The following COPG2 variants were observed in gnomAD, a reference collection of about 807,000 sequenced individuals.
The protein encoded by COPG2 is coat protein complex I subunit gamma 2.
COPG2 carries 37 observed loss-of-function variants against 46.3 expected under a neutral mutation model. That is an observed-to-expected ratio of 0.80 (90% CI 0.61 to 1.05). The LOEUF is 1.05. COPG2 is among the 50% of genes least tolerant of loss of function. The pLI is 0.00. For synonymous variants in COPG2, 159 were observed against 129.7 expected, an observed-to-expected ratio of 1.23 and a Z score of -1.53; for missense variants, 427 against 387.8, an observed-to-expected ratio of 1.10 and a Z score of -0.85.
Position 130,627,150 on chromosome 7 carries a change from G to A in COPG2, c.324-10085C>T, listed in dbSNP as rs147942233. Reference sequence around the variant, plus strand: ...TTAAATCAAGTACACTTTGAAATCCGTTTCCTATAGTAAATGCTCTTATCT... The same window carrying A: ...TTAAATCAAGTACACTTTGAAATCCATTTCCTATAGTAAATGCTCTTATCT... On this transcript the variant is annotated intron_variant, in intron 5 of 23. Transcript: ENST00000425248. Among the ~76,000 whole-genome samples, 9 of 152,266 alleles carry A rather than the reference G, an allele frequency of 5.9e-5. No homozygotes were observed. The South Asian group carries it at 1.4e-3, about 24-fold the overall frequency.
chr7:130,551,242 A>G lies in COPG2; in HGVS notation c.1647T>C (p.Asn549=). 1 of 398,554 alleles carries G rather than the reference A, an allele frequency of 2.5e-6. No individual in the cohort carries two copies. Among genetic ancestry groups the G allele is most frequent in the Non-Finnish European group, 4.4e-6 (1 of 225,998 alleles). The allele number at this position is 398,554 out of a possible 1,614,324, so 24.7% of individuals were successfully genotyped here. ...TGTACATCCTTGGCTTTCACTGACCATTAAAGATATATGTGGCATTTAGTG... is the reference window on the plus strand; with the variant it reads ...TGTACATCCTTGGCTTTCACTGACCGTTAAAGATATATGTGGCATTTAGTG... ...QMALNATYIF[N]GLTVSVPGME... Residue 549 remains asparagine (N), a splice_region_variant and synonymous_variant, in exon 16 of 24, where the codon AAT becomes AAC. Transcript: ENST00000425248.
At chr7:130,625,572 A>G (rs994597522) in intron 5 of COPG2, among the ~76,000 whole-genome samples, 1 of 151,076 alleles carries the variant, frequency 6.6e-6, no homozygotes, top group African/African-American at 2.4e-5. Context: ...CATTAAATCT[A>G]GGTTTCAAAT....
At chr7:130,550,221 G>A (rs1214480073) in intron 17 of COPG2, among the ~76,000 whole-genome samples, 1 of 151,944 alleles carries the variant, frequency 6.6e-6, no homozygotes, top group Admixed American at 6.6e-5. Flanking sequence ...GACCAACCTG[G>A]CCAACATGGT....
At chr7:130,511,734 A>G (rs371436248) in intron 20 of COPG2, 1 of 516,560 alleles carries the variant, frequency 1.9e-6, no homozygotes, top group Non-Finnish European at 3.9e-6. Context: ...GGTGTGGAAT[A>G]AAGATTTAGA....
intron 12 of COPG2, among the ~76,000 whole-genome samples, chr7:130,555,569 G>A (rs1793607295): frequency 6.6e-6 from 1 of 152,166 alleles, no homozygotes; most frequent in Admixed American, 6.5e-5. Flanking sequence ...GCTAATGCCT[G>A]TAATCCCAGC....
chr7:130,635,229 T>C (rs950135962), intron 5 of COPG2, among the ~76,000 whole-genome samples: 3 of 152,082 alleles, frequency 2.0e-5, no homozygotes, highest in Non-Finnish European at 4.4e-5. Flanking sequence ...CCTCATAAAA[T>C]GAGTTAGGGA....
At chr7:130,646,634 T>G (rs1181835240) in intron 5 of COPG2, among the ~76,000 whole-genome samples, 1 of 152,118 alleles carries the variant, frequency 6.6e-6, no homozygotes, top group Non-Finnish European at 1.5e-5. Context: ...AAATCTCATC[T>G]CGAATTGCAA....
In COPG2 at chr7:130,619,631, A is replaced by G. The variant is rs568503324; in HGVS notation, c.324-2566T>C. 2.0e-5 allele frequency among the ~76,000 whole-genome samples: 3 copies of G among 152,336 alleles called. No individual in the cohort carries two copies. In the East Asian group the frequency reaches 5.8e-4, roughly 29 times the overall value. ...CTACTTCTATAATTGAATACATTCA[A>G]TGCTCACTGGTAATTCATTTCCTGT... On this transcript the variant is annotated intron_variant, in intron 5 of 23. Coordinates refer to ENST00000425248, the MANE Select transcript of COPG2 (RefSeq NM_012133.6).
At chr7:130,606,630 C>CCGGT (rs1554451301) in intron 9 of COPG2, among the ~76,000 whole-genome samples, 1 of 152,160 alleles carries the variant, frequency 6.6e-6, no homozygotes, top group East Asian at 1.9e-4. Context: ...GAAGATGTGA[C>CCGGT]CCAGTTTTAT....
chr7:130,572,363 C>T (rs1025259698), intron 9 of COPG2, among the ~76,000 whole-genome samples: 2 of 152,134 alleles, frequency 1.3e-5, no homozygotes, highest in African/African-American at 4.8e-5. Context: ...GATCAACCAA[C>T]TCAAGCTAAC....
intron 20 of COPG2, among the ~76,000 whole-genome samples, chr7:130,530,566 C>A (rs1799814230): frequency 6.6e-6 from 1 of 152,090 alleles, no homozygotes; most frequent in African/African-American, 2.4e-5. Context: ...GAGCACATCC[C>A]TATGGAGAAG....
At chr7:130,547,032 C>T (rs1793455758) in intron 20 of COPG2, 1 of 152,170 alleles carries the variant, frequency 6.6e-6, no homozygotes, top group Non-Finnish European at 1.5e-5. Flanking sequence ...ACTTGACATT[C>T]ACCTTCCCAA....
intron 5 of COPG2, among the ~76,000 whole-genome samples, chr7:130,648,551 G>A (rs553307859): frequency 5.9e-5 from 9 of 152,136 alleles, no homozygotes; most frequent in Admixed American, 2.0e-4. Context: ...CTCCATCTTC[G>A]GACCTACGGA....
At chr7:130,574,066 A>G (rs1177999271) in intron 9 of COPG2, among the ~76,000 whole-genome samples, 1 of 152,190 alleles carries the variant, frequency 6.6e-6, no homozygotes, top group Non-Finnish European at 1.5e-5. Context: ...CACATTATTC[A>G]TAATAGATGA....
Position 130,663,041 on chromosome 7 carries a change from A to T in COPG2, c.172-3T>A. On this transcript the variant is annotated splice_polypyrimidine_tract_variant and splice_region_variant and intron_variant, in intron 3 of 23. Coordinates refer to ENST00000425248, the MANE Select transcript of COPG2 (RefSeq NM_012133.6). ...TCCGTTGTTCCAAAGTGTTCACCCTAAGTAAAATTTAAAACAATTTTTAAA... is the reference window on the plus strand; with the variant it reads ...TCCGTTGTTCCAAAGTGTTCACCCTTAGTAAAATTTAAAACAATTTTTAAA... The T allele has an allele frequency of 6.6e-7, 1 of 1,505,514 alleles. No homozygotes were observed. Among genetic ancestry groups the T allele is most frequent in the Non-Finnish European group, 8.9e-7 (1 of 1,127,204 alleles). The allele number at this position is 1,505,514 out of a possible 1,614,324, so 93.3% of individuals were successfully genotyped here.
At chr7:130,523,923 G>T (rs1799750477) in intron 20 of COPG2, among the ~76,000 whole-genome samples, 1 of 151,994 alleles carries the variant, frequency 6.6e-6, no homozygotes, top group African/African-American at 2.4e-5. Context: ...GGCAGGGCGG[G>T]AGAGTCAGGT....
chr7:130,506,485 GAAA>G lies in COPG2; in HGVS notation c.*188_*190del, dbSNP rs61354155. On this transcript the variant is annotated 3_prime_UTR_variant, in exon 24 of 24. Transcript: ENST00000425248. ...CAAAGCTGACCAAGTAGAATAAAAA[GAAA>G]AAAAAAAAAAAACAACCCATGCGCA... 3.5e-4 allele frequency: 114 copies of G among 326,948 alleles called. No homozygotes were observed. Among genetic ancestry groups the G allele is most frequent in the East Asian group, 7.5e-4 (15 of 20,090 alleles). 20.3% of individuals were successfully genotyped at this position (326,948 alleles called of 1,614,324 possible). A position where few individuals can be genotyped will look rare whatever the true frequency, so the allele number is the denominator to read the frequency against.
chr7:130,590,303 C>T (rs973937269), intron 9 of COPG2, among the ~76,000 whole-genome samples: 14 of 150,266 alleles, frequency 9.3e-5, no homozygotes, highest in Middle Eastern at 3.3e-3. Flanking sequence ...CCTCTCATGC[C>T]GAGCCGAAGC....
At chr7:130,541,181 T>C (rs979656811) in intron 20 of COPG2, among the ~76,000 whole-genome samples, 7 of 152,138 alleles carry the variant, frequency 4.6e-5, no homozygotes, top group Non-Finnish European at 1.0e-4. Context: ...CAGATGGATG[T>C]AGCCGAAAAG....
Sources: allele counts gnomAD v4.1 joint callset (sites outside exome capture counted in the v4.1 genomes callset), GRCh38; gene constraint gnomAD v4.1.1; transcripts MANE v1.5; gene names NCBI Gene and HGNC (gene_info 2026-07-23, HGNC 2026-07-21).